The following NF2 variants were observed in gnomAD, a reference collection of about 807,000 sequenced individuals.
NF2 encodes the protein NF2, moesin-ezrin-radixin like (MERLIN) tumor suppressor, also known as merlin.
A neutral mutation model predicts 83.7 loss-of-function variants in NF2; 8 were observed. That is an observed-to-expected ratio of 0.10 (90% CI 0.06 to 0.17). NF2 has a LOEUF of 0.17. Ranked by LOEUF, NF2 falls within the 10% of genes least tolerant of loss-of-function variation. The pLI is 1.00. For missense variants in NF2, 533 were observed against 744.4 expected (o/e 0.72, Z 3.31); for synonymous variants, 266 against 269.6 (o/e 0.99, Z 0.13).
chr22:29,618,188 T>G (rs1031660981), intron 1 of NF2, among the ~76,000 whole-genome samples: 1 of 152,208 alleles, frequency 6.6e-6, no homozygotes, highest in Non-Finnish European at 1.5e-5. Flanking sequence ...AATCATAGTT[T>G]GATTTATGAT....
chr22:29,678,078 G>A, intron 13 of NF2, 118 bp from the exon 14 acceptor site: 1 of 1,334,420 alleles, frequency 7.5e-7, no homozygotes, highest in Non-Finnish European at 1.1e-6. Flanking sequence ...GCATTGGGAG[G>A]TGGGACCCGA....
At chr22:29,654,752 A>G (rs775443240) in intron 5 of NF2, 27 bp downstream of exon 5, 1 of 1,556,050 alleles carries the variant, frequency 6.4e-7, no homozygotes, top group Non-Finnish European at 8.9e-7. Flanking sequence ...CCTTTTCAGG[A>G]AGACATAGCA....
Position 29,697,225 on chromosome 22 carries a change from T to C in NF2, c.*2423T>C, listed in dbSNP as rs2147183883. 1 of 203,708 alleles carries C rather than the reference T, an allele frequency of 4.9e-6. No individual in the cohort carries two copies. The highest frequency in any genetic ancestry group is 7.3e-5 in the East Asian group (1 of 13,676). The allele number at this position is 203,708 out of a possible 1,614,324, so 12.6% of individuals were successfully genotyped here. A position where few individuals can be genotyped will look rare whatever the true frequency, so the allele number is the denominator to read the frequency against. On this transcript the variant is annotated 3_prime_UTR_variant, in exon 16 of 16. Coordinates refer to ENST00000338641, the MANE Select transcript of NF2 (RefSeq NM_000268.4). Reference sequence around the variant, plus strand: ...CTGCAGGTGGGAGCATATGGTGGTTTATAAAAACGCTGTCGGGCTTTGTTT... The same window carrying C: ...CTGCAGGTGGGAGCATATGGTGGTTCATAAAAACGCTGTCGGGCTTTGTTT...
intron 4 of NF2, among the ~76,000 whole-genome samples, chr22:29,651,692 G>T (rs1255808347): frequency 6.6e-6 from 1 of 152,208 alleles, no homozygotes; most frequent in African/African-American, 2.4e-5. Context: ...GTCCAGTGGA[G>T]AAGTTCTTTC....
intron 1 of NF2, among the ~76,000 whole-genome samples, chr22:29,613,485 C>G (rs1053339323): frequency 6.6e-6 from 1 of 152,054 alleles, no homozygotes; most frequent in Non-Finnish European, 1.5e-5. Flanking sequence ...GAGTCGAGAT[C>G]GTGCTATTGC....
chr22:29,608,866 C>T (rs1427543138), intron 1 of NF2: 6 of 451,298 alleles, frequency 1.3e-5, no homozygotes, highest in Non-Finnish European at 2.5e-5. Context: ...ATTGAGGGGA[C>T]TCGTGGGGTA....
intron 15 of NF2, chr22:29,683,748 T>C: frequency 9.4e-7 from 1 of 1,066,934 alleles, no homozygotes; most frequent in South Asian, 4.5e-5. Context: ...TGAACTCACA[T>C]TGGAACAGTA....
At chr22:29,656,965 T>A (rs1046956694) in intron 6 of NF2, among the ~76,000 whole-genome samples, 2 of 151,836 alleles carry the variant, frequency 1.3e-5, no homozygotes, top group Non-Finnish European at 2.9e-5. Context: ...GAATTGGTCA[T>A]GTTTTCATTA....
rs1288778309 is a variant in NF2 at position 29,696,635 on chromosome 22, A to G, written c.*1833A>G. 9.3e-6 allele frequency: 2 copies of G among 214,236 alleles called. No individual in the cohort carries two copies. Among genetic ancestry groups the G allele is most frequent in the Non-Finnish European group, 1.9e-5 (2 of 106,020 alleles). The allele number at this position is 214,236 out of a possible 1,614,324, so 13.3% of individuals were successfully genotyped here. On this transcript the variant is annotated 3_prime_UTR_variant, in exon 16 of 16. Coordinates refer to ENST00000338641, the MANE Select transcript of NF2 (RefSeq NM_000268.4). ...GCTTGGGTCACCTTGCCCCAAGGAAACCAGCCCTGGGTGCCACCCAGCCAC... is the reference window on the plus strand; with the variant it reads ...GCTTGGGTCACCTTGCCCCAAGGAAGCCAGCCCTGGGTGCCACCCAGCCAC...
At chr22:29,675,338 C>A (rs190347895) in intron 13 of NF2, among the ~76,000 whole-genome samples, 1 of 152,292 alleles carries the variant, frequency 6.6e-6, no homozygotes, top group East Asian at 1.9e-4. Context: ...ATTGGCTGTA[C>A]ACCTCAGAGT....
chr22:29,620,350 G>A (rs2065185519), intron 1 of NF2, among the ~76,000 whole-genome samples: 1 of 152,172 alleles, frequency 6.6e-6, no homozygotes, highest in African/African-American at 2.4e-5. Context: ...GAGCCCAGGA[G>A]TTCGAGGCTG....
At chr22:29,643,497 T>G (rs1197127345) in intron 4 of NF2, among the ~76,000 whole-genome samples, 28 of 152,218 alleles carry the variant, frequency 1.8e-4, no homozygotes, top group Middle Eastern at 6.8e-3. Flanking sequence ...TGACTCTTAA[T>G]GAGCATGCTG....
intron 15 of NF2, among the ~76,000 whole-genome samples, chr22:29,688,156 C>T (rs965989821): frequency 6.6e-6 from 1 of 152,214 alleles, no homozygotes; most frequent in Middle Eastern, 3.2e-3. Context: ...AGAGACTTTA[C>T]CTGGTCAAGC....
chr22:29,685,522 G>A (rs935843558), intron 15 of NF2, among the ~76,000 whole-genome samples: 7 of 150,656 alleles, frequency 4.6e-5, no homozygotes, highest in Non-Finnish European at 8.9e-5. Context: ...ATCCTCCCAC[G>A]TCAGCCTCCC....
chr22:29,609,047 G>C, intron 1 of NF2: 1 of 726,440 alleles, frequency 1.4e-6, no homozygotes, highest in East Asian at 2.5e-5. Flanking sequence ...GTCCAAGCCA[G>C]AACAGTGGGT....
Position 29,644,734 on chromosome 22 carries a change from C to T in NF2, c.447+2449C>T, listed in dbSNP as rs1175939255. ...AGGAGCTGGAGACCGGCCCGGCCAA[C>T]ACAGCGAAACCCCGTCTCCACCAAA... On this transcript the variant is annotated intron_variant, in intron 4 of 15. Coordinates refer to ENST00000338641, the MANE Select transcript of NF2 (RefSeq NM_000268.4). Among the ~76,000 whole-genome samples the T allele has an allele frequency of 2.6e-5, 4 of 152,234 alleles. 1 individual carries two copies. Among genetic ancestry groups the T allele is most frequent in the Non-Finnish European group, 2.9e-5 (2 of 68,032 alleles).
At chr22:29,685,609 G>A (rs1239466092) in intron 15 of NF2, among the ~76,000 whole-genome samples, 1 of 150,888 alleles carries the variant, frequency 6.6e-6, no homozygotes, top group Non-Finnish European at 1.5e-5. Context: ...GATGGGTTTC[G>A]CCATGTTTCC....
At chr22:29,681,066 TTAA>T in intron 14 of NF2, among the ~76,000 whole-genome samples, 1 of 151,738 alleles carries the variant, frequency 6.6e-6, no homozygotes, top group Non-Finnish European at 1.5e-5. Context: ...TTTTTTTTTT[TTAA>T]AAATAGAGAC....
rs1601692320 is a variant in NF2, at chr22:29,696,581, A to T, written c.*1779A>T. 1 of 216,236 alleles carries T rather than the reference A, an allele frequency of 4.6e-6. No homozygotes were observed. Among genetic ancestry groups the T allele is most frequent in the Non-Finnish European group, 9.3e-6 (1 of 107,168 alleles). 13.4% of individuals were successfully genotyped at this position (216,236 alleles called of 1,614,324 possible). A position where few individuals can be genotyped will look rare whatever the true frequency, so the allele number is the denominator to read the frequency against. On this transcript the variant is annotated 3_prime_UTR_variant, in exon 16 of 16. Coordinates refer to ENST00000338641, the MANE Select transcript of NF2 (RefSeq NM_000268.4). ...CTGCCTTCTTCCTACTATCAGGCTG[A>T]CCTAATGGGGTTGGGCTGCTCGGCA...
Sources: allele counts gnomAD v4.1 joint callset (sites outside exome capture counted in the v4.1 genomes callset), GRCh38; gene constraint gnomAD v4.1.1; transcripts MANE v1.5; gene names NCBI Gene and HGNC (gene_info 2026-07-23, HGNC 2026-07-21).